TNFAIP1: variants seen among roughly 807,000 people sequenced by gnomAD.
TNFAIP1 encodes the protein TNF alpha induced protein 1, also known as BTB/POZ domain-containing adapter for CUL3-mediated RhoA degradation protein 2.
TNFAIP1 carries 20 observed loss-of-function variants against 32.6 expected under a neutral mutation model. The ratio of observed to expected loss-of-function variants is 0.61; its 90% CI spans 0.43 to 0.89. The LOEUF is 0.89. Ranked by LOEUF, TNFAIP1 falls within the 40% of genes least tolerant of loss-of-function variation. The pLI, the probability that TNFAIP1 is intolerant of heterozygous loss-of-function variation, is 0.00. For synonymous variants in TNFAIP1, 166 were observed against 166.8 expected, an observed-to-expected ratio of 1.00 and a Z score of 0.04; for missense variants, 319 against 425.1, an observed-to-expected ratio of 0.75 and a Z score of 2.20.
Position 28,339,659 on chromosome 17 carries a change from G to C in TNFAIP1, c.138G>C (p.Leu46=). The change falls in exon 2 of 7, where the codon CTG becomes CTC. Residue 46 remains leucine, a synonymous_variant. Coordinates refer to ENST00000226225, the MANE Select transcript of TNFAIP1 (RefSeq NM_021137.5). ...GSLYYTTVRA[L]TRHDTMLKAM... Reference sequence around the variant, plus strand: ...TGTACTACACCACTGTGCGGGCCCTGACCCGCCACGACACCATGCTCAAGG... The same window carrying C: ...TGTACTACACCACTGTGCGGGCCCTCACCCGCCACGACACCATGCTCAAGG... 6.2e-7 allele frequency: 1 copy of C among 1,613,096 alleles called. No homozygotes were observed. The highest frequency in any genetic ancestry group is 8.5e-7 in the Non-Finnish European group (1 of 1,179,982).
chr17:28,339,625 G>A lies in TNFAIP1; in HGVS notation c.104G>A (p.Gly35Asp), dbSNP rs782717171. Residue 35 changes from glycine to aspartate, a missense_variant, in exon 2 of 7, where the codon GGC (glycine) becomes GAC (aspartate). Physicochemically the swap from Gly to Asp is moderately conservative, Grantham distance 94. Transcript: ENST00000226225. ...LGNKYVQLNV[G>D]GSLYYTTVRA... ...AACAAGTATGTCCAGCTCAACGTGGGCGGCTCTCTGTACTACACCACTGTG... is the reference window on the plus strand; with the variant it reads ...AACAAGTATGTCCAGCTCAACGTGGACGGCTCTCTGTACTACACCACTGTG... 1 of 1,613,956 alleles carries A rather than the reference G, an allele frequency of 6.2e-7. No individual in the cohort carries two copies. The highest frequency in any genetic ancestry group is 8.5e-7 in the Non-Finnish European group (1 of 1,180,008).
At position 28,344,883 on chromosome 17, in the gene TNFAIP1, C is replaced by G. The variant is rs1300518994; in HGVS notation, c.*283C>G. 3 of 490,944 alleles carry G rather than the reference C, an allele frequency of 6.1e-6. No individual in the cohort carries two copies. Among genetic ancestry groups the G allele is most frequent in the African/African-American group, 5.9e-5 (3 of 50,434 alleles). The allele number at this position is 490,944 out of a possible 1,614,324, so 30.4% of individuals were successfully genotyped here. On this transcript the variant is annotated 3_prime_UTR_variant, in exon 7 of 7. Coordinates refer to ENST00000226225, the MANE Select transcript of TNFAIP1 (RefSeq NM_021137.5). The stretch of plus-strand genomic sequence containing the variant: ...CCCTGGGGCATATGGACTGACCCAC[C>G]TCCTGCTGAGAACCTTCCCCTAGGC...
At chr17:28,336,759 A>G (rs1555577491) in intron 1 of TNFAIP1, among the ~76,000 whole-genome samples, 2 of 152,140 alleles carry the variant, frequency 1.3e-5, no homozygotes, top group African/African-American at 4.8e-5. Context: ...CCCTGTGGCA[A>G]ATGAAAGAGT....
At chr17:28,337,720 A>C (rs1042613775) in intron 1 of TNFAIP1, among the ~76,000 whole-genome samples, 13 of 152,134 alleles carry the variant, frequency 8.5e-5, no homozygotes, top group Admixed American at 7.2e-4. Flanking sequence ...ATCTGTCTAC[A>C]ATGCTCTCTT....
intron 1 of TNFAIP1, among the ~76,000 whole-genome samples, chr17:28,338,939 A>G (rs578124165): frequency 6.6e-6 from 1 of 152,020 alleles, no homozygotes; most frequent in East Asian, 1.9e-4. Flanking sequence ...TATAGTAAAA[A>G]TGGCAGGGAG....
Position 28,345,166 on chromosome 17 carries a change from G to A in TNFAIP1, c.*566G>A, listed in dbSNP as rs1300955453. 6.3e-6 allele frequency: 1 copy of A among 157,938 alleles called. No individual in the cohort carries two copies. The allele number at this position is 157,938 out of a possible 1,614,324, so 9.8% of individuals were successfully genotyped here. A position where few individuals can be genotyped will look rare whatever the true frequency, so the allele number is the denominator to read the frequency against. Reference sequence around the variant, plus strand: ...GAACCCTTGGCCCTTCTCCATGCCTGTGGGATCTGTTTCTTTAAAGCACTT... The same window carrying A: ...GAACCCTTGGCCCTTCTCCATGCCTATGGGATCTGTTTCTTTAAAGCACTT... On this transcript the variant is annotated 3_prime_UTR_variant, in exon 7 of 7. Transcript: ENST00000226225.
chr17:28,341,311 C>G lies in TNFAIP1; in HGVS notation c.450C>G (p.Ile150Met), dbSNP rs782122584. The change falls in exon 4 of 7, where the codon ATC (isoleucine) becomes ATG (methionine). Residue 150 changes from isoleucine to methionine, a missense_variant. Physicochemically the swap from Ile to Met is conservative, Grantham distance 10 (BLOSUM62 1). Transcript: ENST00000226225. ...ITSLKEEERL[I>M]ESSTKPVVKL... The stretch of plus-strand genomic sequence containing the variant: ...CCCTAAAGGAGGAGGAGCGGCTCAT[C>G]GAATCCTCCACCAAGGTACCAGGAC... The G allele has an allele frequency of 1.2e-6, 2 of 1,614,102 alleles. No individual in the cohort carries two copies. Among genetic ancestry groups the G allele is most frequent in the Non-Finnish European group, 1.7e-6 (2 of 1,180,044 alleles).
At position 28,344,693 on chromosome 17, in the gene TNFAIP1, C is replaced by T. The variant is rs1907486431; in HGVS notation, c.*93C>T. The T allele has an allele frequency of 2.3e-6, 3 of 1,303,134 alleles. No individual in the cohort carries two copies. Among genetic ancestry groups the T allele is most frequent in the Middle Eastern group, 2.3e-4 (1 of 4,422 alleles). 80.7% of individuals were successfully genotyped at this position (1,303,134 alleles called of 1,614,324 possible). On this transcript the variant is annotated 3_prime_UTR_variant, in exon 7 of 7. Transcript: ENST00000226225. ...CACCCCATGCTGCTGCTGCCTGGGT[C>T]TCTGCTCTAGCACCCAGAGGCATGA...
At position 28,345,588 on chromosome 17, in the gene TNFAIP1, C is replaced by T. The variant is rs1057095465; in HGVS notation, c.*988C>T. On this transcript the variant is annotated 3_prime_UTR_variant, in exon 7 of 7. Transcript: ENST00000226225. Reference sequence around the variant, plus strand: ...GAAACATGAGCCACGGCAGGAAGACCGTGGAGCCCGTGGGCACTGCATGGT... The same window carrying T: ...GAAACATGAGCCACGGCAGGAAGACTGTGGAGCCCGTGGGCACTGCATGGT... The T allele has an allele frequency of 6.6e-5, 10 of 152,274 alleles. No homozygotes were observed. Among genetic ancestry groups the T allele is most frequent in the Non-Finnish European group, 1.2e-4 (8 of 68,062 alleles). The allele number at this position is 152,274 out of a possible 1,614,324, so 9.4% of individuals were successfully genotyped here. A position where few individuals can be genotyped will look rare whatever the true frequency, so the allele number is the denominator to read the frequency against.
Position 28,342,494 on chromosome 17 carries a change from G to A in TNFAIP1, c.714+52G>A, listed in dbSNP as rs782049027. The A allele has an allele frequency of 2.7e-5, 41 of 1,511,876 alleles. No individual in the cohort carries two copies. In the African/African-American group the frequency reaches 2.7e-4, roughly 10 times the overall value. 93.7% of individuals were successfully genotyped at this position (1,511,876 alleles called of 1,614,324 possible). Reference sequence around the variant, plus strand: ...AGGGGAGGACACACACCCACTGTGCGGGGGACGTGGTCGGGCTGTGACCAG... The same window carrying A: ...AGGGGAGGACACACACCCACTGTGCAGGGGACGTGGTCGGGCTGTGACCAG... On this transcript the variant is annotated intron_variant, in intron 6 of 6. Coordinates refer to ENST00000226225, the MANE Select transcript of TNFAIP1 (RefSeq NM_021137.5). This position sits in a 1 kb window ranked among gnomAD's most constrained non-coding sequence, Gnocchi z 4.0.
At position 28,344,235 on chromosome 17, in the gene TNFAIP1, G is replaced by A. The variant is rs1267208616; in HGVS notation, c.715-129G>A. The A allele has an allele frequency of 2.6e-5, 21 of 806,292 alleles. No homozygotes were observed. In the East Asian group the frequency reaches 3.4e-4, roughly 13 times the overall value. 49.9% of individuals were successfully genotyped at this position (806,292 alleles called of 1,614,324 possible). A position where few individuals can be genotyped will look rare whatever the true frequency, so the allele number is the denominator to read the frequency against. On this transcript the variant is annotated intron_variant, in intron 6 of 6. Coordinates refer to ENST00000226225, the MANE Select transcript of TNFAIP1 (RefSeq NM_021137.5). ...CTTCGGAGGGAGGCTGGCTTTCCCT[G>A]GAGACGGACCGCCACCTGTTTTATG...
Position 28,340,118 on chromosome 17 carries a change from A to G in TNFAIP1, c.206-191A>G, listed in dbSNP as rs375491374. On this transcript the variant is annotated intron_variant, in intron 2 of 6. Transcript: ENST00000226225. This position sits in a 1 kb window ranked among gnomAD's most constrained non-coding sequence, Gnocchi z 4.1. ...GGGATGTGCCAGTTCTGGGTTTCAGAGAGGAAGGGTGAAGAGCAGCCATGG... is the reference window on the plus strand; with the variant it reads ...GGGATGTGCCAGTTCTGGGTTTCAGGGAGGAAGGGTGAAGAGCAGCCATGG... Among the ~76,000 whole-genome samples the G allele has an allele frequency of 5.2e-4, 79 of 152,140 alleles. 1 individual carries two copies. Among genetic ancestry groups the G allele is most frequent in the African/African-American group, 1.8e-3 (74 of 41,520 alleles).
At chr17:28,343,094 G>A (rs1260557577) in intron 6 of TNFAIP1, among the ~76,000 whole-genome samples, 1 of 152,156 alleles carries the variant, frequency 6.6e-6, no homozygotes, top group Non-Finnish European at 1.5e-5. Flanking sequence ...AAGATCCCTT[G>A]AGCCCAGGAG....
chr17:28,336,234 C>T lies in TNFAIP1; in HGVS notation c.-115+378C>T, dbSNP rs75976962. Among the ~76,000 whole-genome samples the T allele has an allele frequency of 9.0e-3, 1,376 of 152,312 alleles. 15 individuals are homozygous for T. The highest frequency in any genetic ancestry group is 0.014 in the Non-Finnish European group (927 of 68,034). ...CTTTCCACCTCCGCGGCTGTTTGCCCTTTGTTGTGCTTGGGTTCCCATTAG... is the reference window on the plus strand; with the variant it reads ...CTTTCCACCTCCGCGGCTGTTTGCCTTTTGTTGTGCTTGGGTTCCCATTAG... On this transcript the variant is annotated intron_variant, in intron 1 of 6. Coordinates refer to ENST00000226225, the MANE Select transcript of TNFAIP1 (RefSeq NM_021137.5).
rs1555578047 is a variant in TNFAIP1 at position 28,340,804 on chromosome 17, G to A, written c.375+326G>A. 1.3e-5 allele frequency among the ~76,000 whole-genome samples: 2 copies of A among 152,164 alleles called. No homozygotes were observed. The highest frequency in any genetic ancestry group is 4.8e-5 in the African/African-American group (2 of 41,426). Reference sequence around the variant, plus strand: ...CTGTCACCCAGGCTGGAGTGCAGTGGTGCGATGTCAGCTCACTGCAACTTC... The same window carrying A: ...CTGTCACCCAGGCTGGAGTGCAGTGATGCGATGTCAGCTCACTGCAACTTC... On this transcript the variant is annotated intron_variant, in intron 3 of 6. Coordinates refer to ENST00000226225, the MANE Select transcript of TNFAIP1 (RefSeq NM_021137.5). The surrounding 1 kb of genome is among the most constrained non-coding windows in gnomAD (Gnocchi z 4.1).
chr17:28,339,018 C>T (rs1907263559), intron 1 of TNFAIP1, among the ~76,000 whole-genome samples: 1 of 150,166 alleles, frequency 6.7e-6, no homozygotes, highest in South Asian at 2.1e-4. Context: ...ATCGCCTGCG[C>T]TCAGGAATTC....
rs781800452 is a variant in TNFAIP1 at position 28,342,458 on chromosome 17, CCT to C, written c.714+17_714+18del. 1 of 1,569,108 alleles carries C rather than the reference CCT, an allele frequency of 6.4e-7. No individual in the cohort carries two copies. Among genetic ancestry groups the C allele is most frequent in the South Asian group, 1.1e-5 (1 of 88,214 alleles). On this transcript the variant is annotated intron_variant, in intron 6 of 6. Transcript: ENST00000226225. This position sits in a 1 kb window ranked among gnomAD's most constrained non-coding sequence, Gnocchi z 4.0. The stretch of plus-strand genomic sequence containing the variant: ...GCAGACCAAGGTGTGGGGGATTGCC[CCT>C]GCCTGGGTAGGGGAGGACACACACC...
In TNFAIP1 at chr17:28,341,246, G is replaced by GACTCC; in HGVS notation, c.386_390dup (p.Tyr131ThrfsTer15). 6.2e-7 allele frequency: 1 copy of GACTCC among 1,614,176 alleles called. No homozygotes were observed. The highest frequency in any genetic ancestry group is 8.5e-7 in the Non-Finnish European group (1 of 1,180,020). On this transcript the variant is annotated frameshift_variant, in exon 4 of 7. Coordinates refer to ENST00000226225, the MANE Select transcript of TNFAIP1 (RefSeq NM_021137.5). LOFTEE classifies it high-confidence loss of function. Reference sequence around the variant, plus strand: ...GTTCTGTGTCGCACAGGACAAGAAGGACTCCTACCAGCCTGTGTGCAACAT... The same window carrying GACTCC: ...GTTCTGTGTCGCACAGGACAAGAAGGACTCCACTCCTACCAGCCTGTGTGCAACAT...
At chr17:28,338,336 G>A (rs985647516) in intron 1 of TNFAIP1, among the ~76,000 whole-genome samples, 3 of 152,176 alleles carry the variant, frequency 2.0e-5, no homozygotes, top group Admixed American at 6.5e-5. Context: ...CTTATTGGGA[G>A]GGAAGAGGAG....
Sources: allele counts gnomAD v4.1 joint callset (sites outside exome capture counted in the v4.1 genomes callset), GRCh38; gene constraint gnomAD v4.1.1; non-coding constraint Gnocchi (gnomAD v3.1); transcripts MANE v1.5; gene names NCBI Gene and HGNC (gene_info 2026-07-23, HGNC 2026-07-21).